Variants in MYRIP observed in about 807,000 individuals in gnomAD.
MYRIP encodes the protein rab effector MyRIP.
MYRIP carries 49 observed loss-of-function variants against 98.0 expected under a neutral mutation model. The ratio of observed to expected loss-of-function variants is 0.50; its 90% CI spans 0.40 to 0.63. The LOEUF is 0.63. Ranked by LOEUF, MYRIP falls within the 30% of genes least tolerant of loss-of-function variation. The pLI, the probability that MYRIP is intolerant of heterozygous loss-of-function variation, is 0.00. For missense variants in MYRIP, 1,004 were observed against 1,058.2 expected (o/e 0.95, Z 0.71); for synonymous variants, 404 against 409.5 (o/e 0.99, Z 0.16).
chr3:40,100,055 C>T, intron 3 of MYRIP: 1 of 984,908 alleles, frequency 1.0e-6, no homozygotes, highest in Non-Finnish European at 1.2e-6. Context: ...TCTGGTATTG[C>T]TCTCTACCCA....
At chr3:40,154,540 T>C (rs1228689613) in intron 4 of MYRIP, among the ~76,000 whole-genome samples, 1 of 151,882 alleles carries the variant, frequency 6.6e-6, no homozygotes, top group Non-Finnish European at 1.5e-5. Context: ...CCAGCATGAC[T>C]TTTTTTTAAA....
At chr3:40,062,052 T>C (rs1948028926) in intron 3 of MYRIP, among the ~76,000 whole-genome samples, 3 of 152,344 alleles carry the variant, frequency 2.0e-5, no homozygotes, top group Admixed American at 2.0e-4. Context: ...GTAGATTGAC[T>C]CTTTACTCTG....
At chr3:40,071,106 G>A (rs2125858705) in intron 3 of MYRIP, 1 of 982,342 alleles carries the variant, frequency 1.0e-6, no homozygotes, top group East Asian at 1.1e-4. Flanking sequence ...AGCACAGGAA[G>A]AAGAGAGTCA....
intron 3 of MYRIP, among the ~76,000 whole-genome samples, chr3:40,044,615 A>G (rs1196126939): frequency 6.6e-6 from 1 of 152,194 alleles, no homozygotes; most frequent in Non-Finnish European, 1.5e-5. Context: ...CTTAGGAATT[A>G]TGCTGGGTGC....
intron 3 of MYRIP, among the ~76,000 whole-genome samples, chr3:40,066,611 C>T (rs1173563050): frequency 1.3e-5 from 2 of 152,094 alleles, no homozygotes; most frequent in African/African-American, 4.8e-5. Context: ...AGATTACTGA[C>T]TCATATATCC....
At position 40,130,349 on chromosome 3, in the gene MYRIP, G is replaced by A. The variant is rs1425553819; in HGVS notation, c.333-20699G>A. Among the ~76,000 whole-genome samples the A allele has an allele frequency of 5.9e-5, 9 of 151,570 alleles. No homozygotes were observed. The East Asian group carries it at 1.7e-3, about 29-fold the overall frequency. Reference sequence around the variant, plus strand: ...TTAATACTACATGTGGACCAAGGAGGTCATAAATCTATATTTCTAGTCCAA... The same window carrying A: ...TTAATACTACATGTGGACCAAGGAGATCATAAATCTATATTTCTAGTCCAA... On this transcript the variant is annotated intron_variant, in intron 3 of 16. Transcript: ENST00000302541.
At chr3:39,921,757 TG>T (rs1407936287) in intron 2 of MYRIP, among the ~76,000 whole-genome samples, 1 of 151,956 alleles carries the variant, frequency 6.6e-6, no homozygotes, top group African/African-American at 2.4e-5. Flanking sequence ...GGCACATGCC[TG>T]TAGTCCCAGC....
intron 2 of MYRIP, among the ~76,000 whole-genome samples, chr3:40,042,279 C>A: frequency 2.4e-5 from 3 of 125,354 alleles, no homozygotes; most frequent in African/African-American, 3.0e-5. Flanking sequence ...ATAATAAAGA[C>A]TGGAAGGATA....
intron 2 of MYRIP, among the ~76,000 whole-genome samples, chr3:40,006,218 T>C (rs1180470332): frequency 1.3e-5 from 2 of 152,114 alleles, no homozygotes; most frequent in African/African-American, 4.8e-5. Flanking sequence ...GGTGACCCCA[T>C]CAAATTTCAT....
intron 2 of MYRIP, among the ~76,000 whole-genome samples, chr3:39,948,983 A>G (rs1360851024): frequency 1.3e-5 from 2 of 152,172 alleles, no homozygotes; most frequent in African/African-American, 4.8e-5. Context: ...AATACCTTAC[A>G]TGTGCTGACA....
Position 40,076,468 on chromosome 3 carries a change from A to G in MYRIP, c.332+32197A>G, listed in dbSNP as rs565078313. Among the ~76,000 whole-genome samples, 180 of 152,306 alleles carry G rather than the reference A, an allele frequency of 1.2e-3. 2 individuals carry two copies. In the South Asian group the frequency reaches 0.035, roughly 29 times the overall value. On this transcript the variant is annotated intron_variant, in intron 3 of 16. Transcript: ENST00000302541. ...AAACCATATCAATTAAGTCAGAATCACTGGGCCAGGGCACAGGCACTAATA... is the reference window on the plus strand; with the variant it reads ...AAACCATATCAATTAAGTCAGAATCGCTGGGCCAGGGCACAGGCACTAATA...
chr3:39,901,324 C>T (rs942553029), intron 2 of MYRIP, among the ~76,000 whole-genome samples: 1 of 152,186 alleles, frequency 6.6e-6, no homozygotes, highest in Non-Finnish European at 1.5e-5. Flanking sequence ...TTTAAACTCT[C>T]AGCTACTGTA....
chr3:40,186,626 C>T (rs1006738938), intron 9 of MYRIP, among the ~76,000 whole-genome samples: 10 of 152,176 alleles, frequency 6.6e-5, no homozygotes, highest in African/African-American at 2.4e-4. Flanking sequence ...TCCACTCTGC[C>T]CCTGGGGCAG....
chr3:40,171,828 T>C (rs1324772567), intron 8 of MYRIP, among the ~76,000 whole-genome samples: 3 of 152,264 alleles, frequency 2.0e-5, no homozygotes, highest in African/African-American at 7.2e-5. Flanking sequence ...CTCATGCTGC[T>C]AATAAAGACA....
intron 3 of MYRIP, among the ~76,000 whole-genome samples, chr3:40,045,235 G>A (rs1252336138): frequency 1.3e-5 from 2 of 152,120 alleles, no homozygotes; most frequent in South Asian, 2.1e-4. Flanking sequence ...AGTTAATGGG[G>A]ACAGCTGCCA....
intron 10 of MYRIP, among the ~76,000 whole-genome samples, chr3:40,197,437 GTCC>G (rs1323029371): frequency 1.3e-5 from 2 of 152,142 alleles, no homozygotes; most frequent in Non-Finnish European, 2.9e-5. Context: ...ACACTCTTCT[GTCC>G]TCCTAAACCC....
chr3:40,029,435 C>T (rs149771581), intron 2 of MYRIP, among the ~76,000 whole-genome samples: 4 of 152,278 alleles, frequency 2.6e-5, no homozygotes, highest in East Asian at 3.9e-4. Flanking sequence ...GTGAGCCCTG[C>T]TCATGTGTTA....
At chr3:40,243,882 A>G (rs1165519659) in intron 12 of MYRIP, among the ~76,000 whole-genome samples, 2 of 152,242 alleles carry the variant, frequency 1.3e-5, no homozygotes, top group Non-Finnish European at 2.9e-5. Context: ...TGCTTCTCTT[A>G]ACATCACACT....
At chr3:39,848,302 A>G (rs1339881716) in intron 1 of MYRIP, among the ~76,000 whole-genome samples, 1 of 152,252 alleles carries the variant, frequency 6.6e-6, no homozygotes, top group Admixed American at 6.5e-5. Flanking sequence ...CTGTATTTGC[A>G]TAAAATTGGA....
Sources: gnomAD v4.1 joint callset for allele counts (sites outside exome capture counted in the v4.1 genomes callset) on GRCh38, gnomAD v4.1.1 for gene constraint, MANE v1.5 for transcripts, NCBI Gene and HGNC (gene_info 2026-07-23, HGNC 2026-07-21) for gene names.